The following EPHA6 variants were observed in gnomAD, a reference collection of about 807,000 sequenced individuals.
The protein encoded by EPHA6 is ephrin type-A receptor 6.
Under a neutral mutation model 112.0 loss-of-function variants are expected in EPHA6, and 50 were observed. The observed-to-expected ratio is 0.45, with a 90% CI of 0.36 to 0.56. EPHA6 has a LOEUF of 0.56. Among genes scored for constraint, EPHA6 ranks in the 20% least tolerant of loss-of-function variants. The probability of loss-of-function intolerance (pLI) is 0.00; values close to 1 mark genes in which losing one functional copy is unlikely to be tolerated. For synonymous variants in EPHA6, 529 were observed against 490.7 expected, an observed-to-expected ratio of 1.08 and a Z score of -1.03; for missense variants, 1,280 against 1,417.4, an observed-to-expected ratio of 0.90 and a Z score of 1.56.
At chr3:97,719,711 C>T (rs1451047736) in intron 14 of EPHA6, among the ~76,000 whole-genome samples, 2 of 151,992 alleles carry the variant, frequency 1.3e-5, no homozygotes, top group Non-Finnish European at 2.9e-5. Flanking sequence ...TTTCAAGGTG[C>T]GCTTATATAC....
At chr3:96,947,985 C>T (rs1328491656) in intron 2 of EPHA6, among the ~76,000 whole-genome samples, 1 of 152,128 alleles carries the variant, frequency 6.6e-6, no homozygotes, top group African/African-American at 2.4e-5. Context: ...ATCACGCTAC[C>T]TGACTTGAAA....
chr3:97,206,587 A>G (rs1395546669), intron 3 of EPHA6, among the ~76,000 whole-genome samples: 1 of 152,046 alleles, frequency 6.6e-6, no homozygotes, highest in East Asian at 1.9e-4. Flanking sequence ...TCTCCAGGCT[A>G]AGAAGCTGAT....
chr3:97,169,319 AAG>A (rs143359925), intron 3 of EPHA6, among the ~76,000 whole-genome samples: 1,944 of 152,274 alleles, frequency 0.013, 33 homozygotes, highest in African/African-American at 0.045. Flanking sequence ...TAGTTTAGCT[AAG>A]ACACAAGATA....
chr3:97,420,036 C>T (rs937554527), intron 6 of EPHA6, among the ~76,000 whole-genome samples: 1 of 152,074 alleles, frequency 6.6e-6, no homozygotes, highest in Non-Finnish European at 1.5e-5. Flanking sequence ...GAAAAGCCTT[C>T]TGAAAAATGT....
intron 5 of EPHA6, among the ~76,000 whole-genome samples, chr3:97,358,416 T>A (rs575757218): frequency 6.6e-6 from 1 of 152,274 alleles, no homozygotes; most frequent in African/African-American, 2.4e-5. Flanking sequence ...TTATACACTG[T>A]ATATTCCCAA....
intron 11 of EPHA6, among the ~76,000 whole-genome samples, chr3:97,580,003 T>C (rs2093422977): frequency 6.6e-6 from 1 of 152,246 alleles, no homozygotes; most frequent in Non-Finnish European, 1.5e-5. Flanking sequence ...CAAATACAAA[T>C]GTTCTTTTAA....
chr3:97,502,128 C>T (rs941333493), intron 10 of EPHA6, among the ~76,000 whole-genome samples: 14 of 148,418 alleles, frequency 9.4e-5, no homozygotes, highest in African/African-American at 3.5e-4. Flanking sequence ...AACATTGAGG[C>T]TGTTTTGACC....
At chr3:97,482,518 G>T (rs2091581538) in intron 9 of EPHA6, among the ~76,000 whole-genome samples, 1 of 152,236 alleles carries the variant, frequency 6.6e-6, no homozygotes, top group South Asian at 2.1e-4. Flanking sequence ...ATGCTTTTCT[G>T]GTGCTAATTT....
intron 14 of EPHA6, among the ~76,000 whole-genome samples, chr3:97,716,112 T>C (rs2034206019): frequency 6.6e-6 from 1 of 152,212 alleles, no homozygotes; most frequent in East Asian, 1.9e-4. Flanking sequence ...AAGTACTATT[T>C]GTTCATTCCC....
chr3:97,044,031 G>T (rs2045414323), intron 3 of EPHA6, among the ~76,000 whole-genome samples: 1 of 152,096 alleles, frequency 6.6e-6, no homozygotes, highest in Admixed American at 6.5e-5. Context: ...CCAATGTATG[G>T]CCTTTCAGCC....
In EPHA6 at chr3:96,856,803, G is replaced by A. The variant is rs190436352; in HGVS notation, c.386-10022G>A. 8.4e-4 allele frequency among the ~76,000 whole-genome samples: 127 copies of A among 152,088 alleles called. 1 individual carries two copies. The highest frequency in any genetic ancestry group is 2.9e-3 in the African/African-American group (121 of 41,522). On this transcript the variant is annotated intron_variant, in intron 1 of 17. Transcript: ENST00000389672. ...TTAAGAAATCTTTATCTGTAATTTGGTCTTTTGAATGGATTTACCTGCAGG... is the reference window on the plus strand; with the variant it reads ...TTAAGAAATCTTTATCTGTAATTTGATCTTTTGAATGGATTTACCTGCAGG...
chr3:97,531,133 A>C (rs1412439318), intron 10 of EPHA6, among the ~76,000 whole-genome samples: 5 of 152,020 alleles, frequency 3.3e-5, no homozygotes, highest in Non-Finnish European at 7.4e-5. Context: ...ATAAATTGTC[A>C]CTTTTGATCT....
At chr3:97,240,903 AT>A (rs1377129550) in intron 4 of EPHA6, among the ~76,000 whole-genome samples, 1 of 151,842 alleles carries the variant, frequency 6.6e-6, no homozygotes, top group Admixed American at 6.6e-5. Context: ...GACTAGAAGG[AT>A]TGCATAGGAC....
chr3:97,481,532 CG>C (rs1167304724), intron 9 of EPHA6: 4 of 853,218 alleles, frequency 4.7e-6, no homozygotes, highest in Non-Finnish European at 5.9e-6. Flanking sequence ...AGTGCAGGCC[CG>C]GGGGTCCCTA....
chr3:97,693,651 C>CA (rs2107714234), intron 14 of EPHA6, among the ~76,000 whole-genome samples: 1 of 151,810 alleles, frequency 6.6e-6, no homozygotes, highest in South Asian at 2.1e-4. Context: ...ACTAAAAATA[C>CA]AAAAAAATTA....
intron 13 of EPHA6, among the ~76,000 whole-genome samples, chr3:97,614,466 C>T (rs2093746933): frequency 6.7e-6 from 1 of 148,416 alleles, no homozygotes; most frequent in Non-Finnish European, 1.5e-5. Context: ...TCCCAAGTAA[C>T]TGGAACTACA....
intron 11 of EPHA6, among the ~76,000 whole-genome samples, chr3:97,583,395 TGA>T (rs1007439984): frequency 6.6e-6 from 1 of 151,816 alleles, no homozygotes; most frequent in Non-Finnish European, 1.5e-5. Flanking sequence ...AAAAATTAGC[TGA>T]GCGTGGTGGT....
At chr3:97,314,599 G>A (rs1425557683) in intron 5 of EPHA6, among the ~76,000 whole-genome samples, 1 of 151,654 alleles carries the variant, frequency 6.6e-6, no homozygotes, top group Non-Finnish European at 1.5e-5. Flanking sequence ...TCTTCATTCT[G>A]AATCACAATC....
chr3:97,243,234 C>G (rs939909033), intron 4 of EPHA6, among the ~76,000 whole-genome samples: 2 of 151,884 alleles, frequency 1.3e-5, no homozygotes, highest in African/African-American at 4.8e-5. Flanking sequence ...GTTTAAAGGA[C>G]ACACCTACTT....
Sources: allele counts gnomAD v4.1 joint callset (sites outside exome capture counted in the v4.1 genomes callset), GRCh38; gene constraint gnomAD v4.1.1; transcripts MANE v1.5; gene names NCBI Gene and HGNC (gene_info 2026-07-23, HGNC 2026-07-21).